Variants in CMIP observed in about 807,000 individuals in gnomAD.
CMIP encodes the protein C-Maf-inducing protein.
In CMIP, 13 loss-of-function variants were observed where a neutral mutation model predicts 97.3. The ratio of observed to expected loss-of-function variants is 0.13; its 90% CI spans 0.09 to 0.21. The LOEUF (loss-of-function observed/expected upper bound fraction) is 0.21. Among genes scored for constraint, CMIP ranks in the 10% least tolerant of loss-of-function variants. The pLI, the probability that CMIP is intolerant of heterozygous loss-of-function variation, is 1.00. For missense variants in CMIP, 847 were observed against 1,024.9 expected (o/e 0.83, Z 2.37); for synonymous variants, 538 against 436.3 (o/e 1.23, Z -2.91).
At chr16:81,670,313 G>C (rs756519290) in intron 8 of CMIP, 68 bp downstream of exon 8, 5 of 1,485,880 alleles carry the variant, frequency 3.4e-6, no homozygotes, top group Non-Finnish European at 3.7e-6. Context: ...TGTTTACTCA[G>C]ATATCCACGG....
chr16:81,547,052 G>A (rs4889337), intron 1 of CMIP, among the ~76,000 whole-genome samples: 16,016 of 152,198 alleles, frequency 0.11, 869 homozygotes, highest in South Asian at 0.13. Context: ...ACAGTACAGG[G>A]CAGTCTGGGC....
intron 3 of CMIP, among the ~76,000 whole-genome samples, chr16:81,626,121 C>T (rs1182144117): frequency 6.6e-6 from 1 of 152,222 alleles, no homozygotes; most frequent in Non-Finnish European, 1.5e-5. Context: ...CACAGCCCCT[C>T]GATCACCGCA....
chr16:81,701,925 C>T, intron 16 of CMIP, 125 bp downstream of exon 16: 1 of 1,238,198 alleles, frequency 8.1e-7, no homozygotes, highest in African/African-American at 1.5e-5. Flanking sequence ...TCCTCCAAAC[C>T]CCAGAAATTG....
At chr16:81,603,373 C>G in intron 1 of CMIP, 1 of 454,316 alleles carries the variant, frequency 2.2e-6, no homozygotes, top group Non-Finnish European at 4.4e-6. Flanking sequence ...TGAGCCACCG[C>G]GCCCGGCCTT....
At chr16:81,516,495 G>T (rs2089916779) in intron 1 of CMIP, among the ~76,000 whole-genome samples, 1 of 152,054 alleles carries the variant, frequency 6.6e-6, no homozygotes, top group Non-Finnish European at 1.5e-5. Flanking sequence ...CCCTTCCCTG[G>T]ACACTCTCCC....
At chr16:81,500,829 T>TCCTC (rs2089596181) in intron 1 of CMIP, among the ~76,000 whole-genome samples, 2 of 151,786 alleles carry the variant, frequency 1.3e-5, no homozygotes, top group Non-Finnish European at 2.9e-5. Context: ...GTCCTTCCCT[T>TCCTC]CCTCCCTCCC....
At chr16:81,503,823 C>G (rs897898956) in intron 1 of CMIP, among the ~76,000 whole-genome samples, 1 of 152,242 alleles carries the variant, frequency 6.6e-6, no homozygotes, top group Non-Finnish European at 1.5e-5. Context: ...CTCCAGATCC[C>G]TGAGCGGATC....
At chr16:81,602,881 T>G (rs980507069) in intron 1 of CMIP, among the ~76,000 whole-genome samples, 2 of 152,154 alleles carry the variant, frequency 1.3e-5, no homozygotes, top group Non-Finnish European at 2.9e-5. Context: ...ACCAGGGAAT[T>G]ATCAGTTATC....
chr16:81,575,288 C>G (rs1213973980), intron 1 of CMIP, among the ~76,000 whole-genome samples: 4 of 152,172 alleles, frequency 2.6e-5, no homozygotes, highest in African/African-American at 7.2e-5. Context: ...CGGGCCTCCT[C>G]TGGGCTTTAC....
At chr16:81,630,902 G>T (rs972848340) in intron 3 of CMIP, 4 of 152,268 alleles carry the variant, frequency 2.6e-5, no homozygotes, top group East Asian at 1.9e-4. Flanking sequence ...GGGAGGTGCA[G>T]CTGGTGAGTC....
At chr16:81,466,900 G>C (rs1331850528) in intron 1 of CMIP, among the ~76,000 whole-genome samples, 1 of 152,224 alleles carries the variant, frequency 6.6e-6, no homozygotes, top group African/African-American at 2.4e-5. Flanking sequence ...TCTGCAACCA[G>C]TTCCAGGAGT....
intron 1 of CMIP, among the ~76,000 whole-genome samples, chr16:81,570,622 G>A (rs766676753): frequency 3.3e-5 from 5 of 152,174 alleles, no homozygotes; most frequent in African/African-American, 4.8e-5. Flanking sequence ...GGCCCCAGCA[G>A]GTCCCTGGGA....
chr16:81,640,770 G>GTGTGTGTGTCTCTC (rs376370488), intron 3 of CMIP, among the ~76,000 whole-genome samples: 5 of 135,720 alleles, frequency 3.7e-5, no homozygotes, highest in African/African-American at 5.6e-5. Flanking sequence ...GTGTGTGTGT[G>GTGTGTGTGTCTCTC]TCTCTCTCTC....
At chr16:81,657,634 T>C (rs951430622) in intron 4 of CMIP, 141 bp from the exon 5 acceptor site, 2 of 702,750 alleles carry the variant, frequency 2.8e-6, no homozygotes, top group African/African-American at 3.6e-5. Flanking sequence ...TCTGATCTGT[T>C]TAATTAAGAA....
intron 14 of CMIP, among the ~76,000 whole-genome samples, chr16:81,699,334 A>G (rs1055099991): frequency 3.9e-5 from 6 of 152,240 alleles, no homozygotes; most frequent in African/African-American, 1.4e-4. Context: ...CTTTTATTGC[A>G]TTTAGTATTA....
At chr16:81,686,016 G>A (rs1232761804) in intron 10 of CMIP, among the ~76,000 whole-genome samples, 1 of 152,206 alleles carries the variant, frequency 6.6e-6, no homozygotes, top group Admixed American at 6.5e-5. Flanking sequence ...GTGTGGCCTG[G>A]GGCCAGGGCA....
At chr16:81,620,745 C>A in intron 2 of CMIP, 131 bp from the exon 3 acceptor site, 2 of 1,025,620 alleles carry the variant, frequency 2.0e-6, no homozygotes, top group Non-Finnish European at 2.9e-6. Flanking sequence ...TATCTTTCAG[C>A]AGGCTTGTTA....
intron 1 of CMIP, among the ~76,000 whole-genome samples, chr16:81,459,414 C>T (rs1906771153): frequency 6.6e-6 from 1 of 152,128 alleles, no homozygotes; most frequent in South Asian, 2.1e-4. Context: ...TCCGTGACCT[C>T]AGGCACCATT....
chr16:81,474,819 C>G (rs1404591739), intron 1 of CMIP, among the ~76,000 whole-genome samples: 2 of 152,084 alleles, frequency 1.3e-5, no homozygotes, highest in Non-Finnish European at 2.9e-5. Context: ...GTCTCTGTGC[C>G]TAGGCCCTGC....
Sources: allele counts gnomAD v4.1 joint callset (sites outside exome capture counted in the v4.1 genomes callset), GRCh38; gene constraint gnomAD v4.1.1; transcripts MANE v1.5; gene names NCBI Gene and HGNC (gene_info 2026-07-23, HGNC 2026-07-21).